The following EXOC4 variants were observed in gnomAD, a reference collection of about 807,000 sequenced individuals.
EXOC4 encodes the protein exocyst complex component 4.
Under a neutral mutation model 107.2 loss-of-function variants are expected in EXOC4, and 71 were observed. The ratio of observed to expected loss-of-function variants is 0.66; its 90% CI spans 0.55 to 0.81. The LOEUF (loss-of-function observed/expected upper bound fraction) is 0.81, where lower values mean the gene tolerates loss of function less well. Among genes scored for constraint, EXOC4 ranks in the 30% least tolerant of loss-of-function variants. The pLI, the probability that EXOC4 is intolerant of heterozygous loss-of-function variation, is 0.00. For missense variants in EXOC4, 1,108 were observed against 1,189.6 expected, an observed-to-expected ratio of 0.93 and a Z score of 1.01; for synonymous variants, 456 against 441.2, an observed-to-expected ratio of 1.03 and a Z score of -0.42.
intron 7 of EXOC4, among the ~76,000 whole-genome samples, chr7:133,435,274 C>G (rs988884312): frequency 6.6e-5 from 10 of 152,140 alleles, no homozygotes; most frequent in African/African-American, 2.4e-4. Context: ...CGTGCTGAAC[C>G]AGTCCCAGAC....
intron 10 of EXOC4, among the ~76,000 whole-genome samples, chr7:133,666,070 A>C (rs1171929403): frequency 1.3e-5 from 2 of 152,300 alleles, no homozygotes; most frequent in South Asian, 2.1e-4. Context: ...CATAAAGTAG[A>C]GTGCTCTGCC....
chr7:133,750,988 C>T (rs546819991), intron 10 of EXOC4, among the ~76,000 whole-genome samples: 4 of 152,280 alleles, frequency 2.6e-5, no homozygotes, highest in African/African-American at 7.2e-5. Flanking sequence ...TTGTATTTCA[C>T]GCCCACACAA....
At chr7:133,693,189 A>G (rs1445174925) in intron 10 of EXOC4, among the ~76,000 whole-genome samples, 1 of 152,214 alleles carries the variant, frequency 6.6e-6, no homozygotes, top group East Asian at 1.9e-4. Context: ...AGGGAAGCCA[A>G]CAGTGCACCC....
At chr7:133,900,088 T>C (rs987784448) in intron 12 of EXOC4, among the ~76,000 whole-genome samples, 2 of 152,146 alleles carry the variant, frequency 1.3e-5, no homozygotes, top group African/African-American at 2.4e-5. Flanking sequence ...CTGGACACAA[T>C]GCTTCTTAGT....
At chr7:133,696,665 A>G (rs1368958194) in intron 10 of EXOC4, among the ~76,000 whole-genome samples, 1 of 152,128 alleles carries the variant, frequency 6.6e-6, no homozygotes, top group Non-Finnish European at 1.5e-5. Flanking sequence ...TGTTGTTGAT[A>G]TTGACAAGAG....
intron 9 of EXOC4, chr7:133,484,156 C>G (rs1799221464): frequency 1.2e-6 from 2 of 1,606,352 alleles, no homozygotes; most frequent in African/African-American, 1.3e-5. Context: ...AGAAATGTGA[C>G]TCAGTCTAAC....
intron 11 of EXOC4, among the ~76,000 whole-genome samples, chr7:133,826,824 T>G (rs553900435): frequency 6.6e-6 from 1 of 152,294 alleles, no homozygotes; most frequent in East Asian, 1.9e-4. Context: ...AAAGATGTTT[T>G]AAATATACAA....
rs1801865160 is a variant in EXOC4, at chr7:133,603,745, GTGA to G, written c.1418-26296_1418-26294del. Among the ~76,000 whole-genome samples the G allele has an allele frequency of 2.0e-5, 3 of 152,310 alleles. 1 individual carries two copies. The highest frequency in any genetic ancestry group is 2.0e-4 in the Admixed American group (3 of 15,302). ...GGCAAGACTGGAAGTTCTCGAGTGAGTGATGAGTGAATGTGAAGGCCTAGGGCA... is the reference window on the plus strand; with the variant it reads ...GGCAAGACTGGAAGTTCTCGAGTGAGTGAGTGAATGTGAAGGCCTAGGGCA... On this transcript the variant is annotated intron_variant, in intron 9 of 17. Coordinates refer to ENST00000253861, the MANE Select transcript of EXOC4 (RefSeq NM_021807.4).
chr7:133,565,828 T>C (rs1800896227), intron 9 of EXOC4, among the ~76,000 whole-genome samples: 1 of 152,158 alleles, frequency 6.6e-6, no homozygotes, highest in African/African-American at 2.4e-5. Context: ...TCCCAGGTGA[T>C]CCTACTGGTG....
At chr7:133,924,387 T>C (rs1018302505) in intron 13 of EXOC4, among the ~76,000 whole-genome samples, 2 of 151,518 alleles carry the variant, frequency 1.3e-5, no homozygotes, top group East Asian at 1.9e-4. Context: ...ATCAGTCTTA[T>C]AGGTATCTTC....
intron 10 of EXOC4, among the ~76,000 whole-genome samples, chr7:133,796,251 G>A (rs926992176): frequency 1.3e-5 from 2 of 152,088 alleles, no homozygotes; most frequent in Non-Finnish European, 2.9e-5. Context: ...CTATCCCAAG[G>A]TGACATCATT....
intron 9 of EXOC4, among the ~76,000 whole-genome samples, chr7:133,515,153 G>C (rs1799848173): frequency 6.6e-6 from 1 of 151,990 alleles, no homozygotes; most frequent in Admixed American, 6.6e-5. Context: ...GATTGTTTTA[G>C]ATTATTATAC....
chr7:133,817,664 A>G (rs1797405753), intron 11 of EXOC4, 120 bp downstream of exon 11: 23 of 711,610 alleles, frequency 3.2e-5, no homozygotes, highest in Non-Finnish European at 4.8e-5. Flanking sequence ...ACAAAACAAA[A>G]GAAAATAAAT....
intron 10 of EXOC4, among the ~76,000 whole-genome samples, chr7:133,777,539 T>G (rs1040266177): frequency 6.6e-6 from 1 of 152,162 alleles, no homozygotes; most frequent in Non-Finnish European, 1.5e-5. Context: ...AGGGCATTTA[T>G]TCTAAGAAAC....
intron 11 of EXOC4, among the ~76,000 whole-genome samples, chr7:133,824,757 C>T (rs1797658404): frequency 6.6e-6 from 1 of 152,140 alleles, no homozygotes; most frequent in Non-Finnish European, 1.5e-5. Flanking sequence ...GGCAGCGTAA[C>T]TGCAATCTCT....
At chr7:133,802,264 A>G (rs544366795) in intron 10 of EXOC4, among the ~76,000 whole-genome samples, 1 of 152,344 alleles carries the variant, frequency 6.6e-6, no homozygotes, top group East Asian at 1.9e-4. Flanking sequence ...TAAAATGGAA[A>G]TAATTATCAC....
intron 3 of EXOC4, among the ~76,000 whole-genome samples, chr7:133,293,695 C>T (rs566393421): frequency 1.6e-4 from 25 of 152,216 alleles, no homozygotes; most frequent in South Asian, 8.3e-4. Flanking sequence ...ATATGATAAC[C>T]GAGTATTGCA....
At chr7:133,257,825 C>T (rs1584754267) in intron 1 of EXOC4, among the ~76,000 whole-genome samples, 1 of 152,196 alleles carries the variant, frequency 6.6e-6, no homozygotes, top group East Asian at 1.9e-4. Context: ...CTGTAGACAC[C>T]TGTTAAATTC....
rs200341512 is a variant in EXOC4 at position 133,340,423 on chromosome 7, C to CTT, written c.764-15892_764-15891dup. On this transcript the variant is annotated intron_variant, in intron 5 of 17. Coordinates refer to ENST00000253861, the MANE Select transcript of EXOC4 (RefSeq NM_021807.4). ...TGGAATTCAGTTAGCTAGTATTTTT[C>CTT]TTTTTTTTTTTTTTTTGAGGATTTT... Among the ~76,000 whole-genome samples, 86 of 129,548 alleles carry CTT rather than the reference C, an allele frequency of 6.6e-4. 1 individual carries two copies. The South Asian group carries it at 0.014, about 20-fold the overall frequency. The allele number at this position is 129,548 out of a possible 152,430, so 85.0% of individuals were successfully genotyped here. A position where few individuals can be genotyped will look rare whatever the true frequency, so the allele number is the denominator to read the frequency against.
Sources: gnomAD v4.1 joint callset for allele counts (sites outside exome capture counted in the v4.1 genomes callset) on GRCh38, gnomAD v4.1.1 for gene constraint, MANE v1.5 for transcripts, NCBI Gene and HGNC (gene_info 2026-07-23, HGNC 2026-07-21) for gene names.